The following TRMT9B variants were observed in gnomAD, a reference collection of about 807,000 sequenced individuals.
The protein encoded by TRMT9B is tRNA methyltransferase 9B (putative), also known as probable tRNA methyltransferase 9B.
A neutral mutation model predicts 11.5 loss-of-function variants in TRMT9B; 16 were observed. The observed-to-expected ratio is 1.39, with a 90% CI of 0.94 to 2.11. The LOEUF (loss-of-function observed/expected upper bound fraction) is 2.11, where lower values mean the gene tolerates loss of function less well. TRMT9B is among the 30% of genes most tolerant of loss of function. The pLI is 0.00. For synonymous variants in TRMT9B, 274 were observed against 192.4 expected (o/e 1.42, Z -3.51); for missense variants, 941 against 553.8 (o/e 1.70, Z -7.02).
At chr8:13,012,959 T>C (rs557547805) in intron 4 of TRMT9B, 102 bp downstream of exon 4, 4 of 1,316,724 alleles carry the variant, frequency 3.0e-6, no homozygotes, top group Non-Finnish European at 3.9e-6. Context: ...GAAATGTCAA[T>C]GTAATTTATT....
At chr8:12,954,741 A>G (rs1006735918) in intron 1 of TRMT9B, among the ~76,000 whole-genome samples, 1 of 152,248 alleles carries the variant, frequency 6.6e-6, no homozygotes, top group Non-Finnish European at 1.5e-5. Flanking sequence ...TTTTGATGCC[A>G]TAAAGAAAGT....
Position 13,012,786 on chromosome 8 carries a change from A to G in TRMT9B, c.257A>G (p.Glu86Gly). Residue 86 changes from glutamate (E) to glycine (G), a missense_variant, in exon 4 of 5, where the codon GAA becomes GGA. Transcript: ENST00000524591. ...LVEIARNRGC[E>G]AMVCDNLNLP... is the part of the protein sequence containing the mutation. ...GAGATTGCCCGGAATAGAGGATGTGAAGCCATGGTATGTGACAACCTTAAT... is the reference window on the plus strand; with the variant it reads ...GAGATTGCCCGGAATAGAGGATGTGGAGCCATGGTATGTGACAACCTTAAT... 4.3e-6 allele frequency: 7 copies of G among 1,613,928 alleles called. No individual in the cohort carries two copies. The highest frequency in any genetic ancestry group is 5.9e-6 in the Non-Finnish European group (7 of 1,179,882).
chr8:13,013,175 A>G (rs957168342), intron 4 of TRMT9B, among the ~76,000 whole-genome samples: 8 of 152,160 alleles, frequency 5.3e-5, no homozygotes, highest in African/African-American at 1.9e-4. Context: ...TATTTAAATG[A>G]AGCCAGATTA....
rs1385616939 is a variant in TRMT9B at position 12,991,023 on chromosome 8, A to G, written c.-10A>G. On this transcript the variant is annotated 5_prime_UTR_variant, in exon 2 of 5. An upstream start codon of the reference 5' UTR is lost. Coordinates refer to ENST00000524591, the MANE Select transcript of TRMT9B (RefSeq NM_020844.3). ...GAGGTAATTTTCCTGTAATCACAGG[A>G]TGACTCAGGTTAGTAGCTTTCAGCG... The G allele has an allele frequency of 1.6e-6, 2 of 1,262,694 alleles. No homozygotes were observed. Among genetic ancestry groups the G allele is most frequent in the East Asian group, 5.6e-5 (1 of 17,880 alleles). 78.2% of individuals were successfully genotyped at this position (1,262,694 alleles called of 1,614,324 possible). A position where few individuals can be genotyped will look rare whatever the true frequency, so the allele number is the denominator to read the frequency against.
At chr8:12,992,759 C>T (rs777917590) in intron 2 of TRMT9B, among the ~76,000 whole-genome samples, 7 of 151,960 alleles carry the variant, frequency 4.6e-5, no homozygotes, top group Non-Finnish European at 8.8e-5. Flanking sequence ...GTCCCAGCTA[C>T]TCAGGAGGCT....
intron 4 of TRMT9B, among the ~76,000 whole-genome samples, chr8:13,017,039 G>T (rs1355340237): frequency 1.3e-5 from 2 of 149,900 alleles, no homozygotes; most frequent in African/African-American, 2.5e-5. Context: ...TAGAAGAATT[G>T]CTTGAACCCA....
At chr8:12,987,273 G>C (rs1324027888) in intron 1 of TRMT9B, among the ~76,000 whole-genome samples, 1 of 152,322 alleles carries the variant, frequency 6.6e-6, no homozygotes, top group Non-Finnish European at 1.5e-5. Flanking sequence ...ATTGGGAAGA[G>C]TCAATGTGTT....
chr8:13,011,974 C>T, intron 3 of TRMT9B: 7 of 985,142 alleles, frequency 7.1e-6, no homozygotes, highest in Non-Finnish European at 8.4e-6. Flanking sequence ...TTTGGAGAGA[C>T]AACAGGAGAA....
intron 3 of TRMT9B, chr8:13,007,231 T>C (rs1252005242): frequency 1.3e-5 from 2 of 152,232 alleles, no homozygotes; most frequent in African/African-American, 2.4e-5. Flanking sequence ...TTTCCTTTAA[T>C]TATTCTATAG....
At chr8:12,983,023 G>T (rs1477694020) in intron 1 of TRMT9B, among the ~76,000 whole-genome samples, 2 of 152,188 alleles carry the variant, frequency 1.3e-5, no homozygotes, top group Non-Finnish European at 2.9e-5. Flanking sequence ...GCCCCACATG[G>T]GGCCAAGAGC....
At chr8:12,947,347 G>A (rs1800316651) in intron 1 of TRMT9B, among the ~76,000 whole-genome samples, 1 of 152,170 alleles carries the variant, frequency 6.6e-6, no homozygotes, top group Non-Finnish European at 1.5e-5. Flanking sequence ...GCATCAAGAT[G>A]TTATCATGCT....
chr8:12,975,499 G>A (rs1461756775), intron 1 of TRMT9B, among the ~76,000 whole-genome samples: 2 of 152,152 alleles, frequency 1.3e-5, no homozygotes, highest in Non-Finnish European at 1.5e-5. Flanking sequence ...CACTTTGGGA[G>A]GCTGAGGCAA....
intron 1 of TRMT9B, among the ~76,000 whole-genome samples, chr8:12,989,642 A>G (rs1675965203): frequency 6.6e-6 from 1 of 152,188 alleles, no homozygotes; most frequent in Admixed American, 6.5e-5. Flanking sequence ...CGCATAGACA[A>G]CCACATTGTC....
At chr8:12,975,785 G>T (rs1277377837) in intron 1 of TRMT9B, among the ~76,000 whole-genome samples, 5 of 152,092 alleles carry the variant, frequency 3.3e-5, no homozygotes, top group Non-Finnish European at 5.9e-5. Context: ...GATGCTTCTA[G>T]CTATTTGGGG....
intron 1 of TRMT9B, among the ~76,000 whole-genome samples, chr8:12,956,387 T>A (rs1242353531): frequency 6.6e-6 from 1 of 152,192 alleles, no homozygotes; most frequent in Non-Finnish European, 1.5e-5. Flanking sequence ...TTCAAACAGA[T>A]GGATGTTATC....
At chr8:12,990,632 T>C (rs553181369) in intron 1 of TRMT9B, among the ~76,000 whole-genome samples, 4 of 152,338 alleles carry the variant, frequency 2.6e-5, no homozygotes, top group South Asian at 2.1e-4. Context: ...GTATGTTTTA[T>C]AGAAAGCTTA....
rs61536433 is a variant in TRMT9B, at chr8:12,959,516, CTT to C, written c.-200+13572_-200+13573del. ...TCTCCTCTCCTTTCCTTTTTCCTTC[CTT>C]TTTTTTTTTTTTTTTTTTTTTGACA... On this transcript the variant is annotated intron_variant, in intron 1 of 4. Coordinates refer to ENST00000524591, the MANE Select transcript of TRMT9B (RefSeq NM_020844.3). Among the ~76,000 whole-genome samples, 137 of 74,912 alleles carry C rather than the reference CTT, an allele frequency of 1.8e-3. 1 individual carries two copies. Among genetic ancestry groups the C allele is most frequent in the African/African-American group, 5.7e-3 (114 of 19,944 alleles). 49.1% of individuals were successfully genotyped at this position (74,912 alleles called of 152,430 possible).
At chr8:13,016,340 CTT>C (rs1563440149) in intron 4 of TRMT9B, among the ~76,000 whole-genome samples, 1 of 143,192 alleles carries the variant, frequency 7.0e-6, no homozygotes, top group Non-Finnish European at 1.5e-5. Context: ...TGAAATTTCT[CTT>C]ATATGACATA....
intron 1 of TRMT9B, among the ~76,000 whole-genome samples, chr8:12,963,936 A>G (rs1802475107): frequency 6.6e-6 from 1 of 152,182 alleles, no homozygotes; most frequent in Non-Finnish European, 1.5e-5. Flanking sequence ...AACTAGTGAT[A>G]TTGTTTCCAT....
Sources: gnomAD v4.1 joint callset for allele counts (sites outside exome capture counted in the v4.1 genomes callset) on GRCh38, gnomAD v4.1.1 for gene constraint, MANE v1.5 for transcripts, NCBI Gene and HGNC (gene_info 2026-07-23, HGNC 2026-07-21) for gene names.